Variants in CNTNAP2 observed in about 807,000 individuals in gnomAD.
CNTNAP2 encodes the protein contactin associated protein 2.
A neutral mutation model predicts 155.2 loss-of-function variants in CNTNAP2; 98 were observed. That is an observed-to-expected ratio of 0.63 (90% CI 0.54 to 0.75). The LOEUF (loss-of-function observed/expected upper bound fraction) is 0.75. Ranked by LOEUF, CNTNAP2 falls within the 30% of genes least tolerant of loss-of-function variation. CNTNAP2 has a pLI of 0.00. For missense variants in CNTNAP2, 1,727 were observed against 1,688.1 expected, an observed-to-expected ratio of 1.02 and a Z score of -0.40; for synonymous variants, 651 against 631.2, an observed-to-expected ratio of 1.03 and a Z score of -0.47.
At chr7:146,216,658 A>T (rs1799118804) in intron 1 of CNTNAP2, among the ~76,000 whole-genome samples, 1 of 152,196 alleles carries the variant, frequency 6.6e-6, no homozygotes, top group Non-Finnish European at 1.5e-5. Flanking sequence ...ATGCTTATTG[A>T]TTCTCTAGAA....
chr7:146,431,301 T>C (rs1232025474), intron 1 of CNTNAP2, among the ~76,000 whole-genome samples: 1 of 152,056 alleles, frequency 6.6e-6, no homozygotes, highest in African/African-American at 2.4e-5. Context: ...ATGCATTCTC[T>C]TCTTAAATGT....
At chr7:147,111,319 T>TCTGTTCA (rs1378136668) in intron 5 of CNTNAP2, among the ~76,000 whole-genome samples, 1 of 152,198 alleles carries the variant, frequency 6.6e-6, no homozygotes, top group Admixed American at 6.5e-5. Context: ...CTGTAGGTTG[T>TCTGTTCA]CTGTTCACTC....
chr7:148,134,487 C>T (rs569833347), intron 16 of CNTNAP2, among the ~76,000 whole-genome samples: 1 of 152,134 alleles, frequency 6.6e-6, no homozygotes, highest in South Asian at 2.1e-4. Context: ...GAAAAAAGAA[C>T]TTATATCTTG....
At chr7:148,089,077 A>G (rs1803790989) in intron 15 of CNTNAP2, among the ~76,000 whole-genome samples, 1 of 152,078 alleles carries the variant, frequency 6.6e-6, no homozygotes, top group Non-Finnish European at 1.5e-5. Flanking sequence ...CAATAGATGC[A>G]GAAAAGTCAT....
chr7:146,526,163 G>A (rs944428887), intron 1 of CNTNAP2, among the ~76,000 whole-genome samples: 6 of 152,096 alleles, frequency 3.9e-5, no homozygotes, highest in African/African-American at 1.4e-4. Context: ...GAAAACTATC[G>A]CTAAAATTTG....
At chr7:148,225,742 G>A (rs1363850246) in intron 19 of CNTNAP2, among the ~76,000 whole-genome samples, 1 of 152,164 alleles carries the variant, frequency 6.6e-6, no homozygotes, top group Non-Finnish European at 1.5e-5. Flanking sequence ...GGGTAGAGAT[G>A]GAGATGGCGA....
chr7:147,281,708 A>G (rs926765595), intron 8 of CNTNAP2, among the ~76,000 whole-genome samples: 5 of 151,900 alleles, frequency 3.3e-5, no homozygotes, highest in Admixed American at 2.0e-4. Context: ...ATACATTCAT[A>G]TTCATAGAAT....
chr7:146,497,915 A>G (rs1406404019), intron 1 of CNTNAP2, among the ~76,000 whole-genome samples: 1 of 118,276 alleles, frequency 8.5e-6, no homozygotes, highest in Admixed American at 7.6e-5. Context: ...ACATATATAA[A>G]CATATATTCT....
intron 1 of CNTNAP2, among the ~76,000 whole-genome samples, chr7:146,769,686 G>C (rs1190984658): frequency 6.6e-6 from 1 of 151,984 alleles, no homozygotes; most frequent in Non-Finnish European, 1.5e-5. Context: ...TGATTCCTAA[G>C]TTCCTTCATA....
At chr7:147,307,316 G>A (rs1213407088) in intron 9 of CNTNAP2, among the ~76,000 whole-genome samples, 1 of 152,218 alleles carries the variant, frequency 6.6e-6, no homozygotes, top group Non-Finnish European at 1.5e-5. Flanking sequence ...CAGGCATGGT[G>A]GCTCAAGCCT....
At chr7:147,362,964 T>C (rs1005933835) in intron 9 of CNTNAP2, among the ~76,000 whole-genome samples, 12 of 152,324 alleles carry the variant, frequency 7.9e-5, no homozygotes, top group African/African-American at 2.9e-4. Context: ...ATATGCTTTA[T>C]CAAAGAGTCT....
intron 11 of CNTNAP2, among the ~76,000 whole-genome samples, chr7:147,554,895 A>C (rs1402023751): frequency 6.6e-6 from 1 of 152,190 alleles, no homozygotes; most frequent in African/African-American, 2.4e-5. Flanking sequence ...TTAATATTCA[A>C]GTGTTAATGA....
At chr7:147,013,730 G>A (rs1798668242) in intron 3 of CNTNAP2, among the ~76,000 whole-genome samples, 1 of 152,088 alleles carries the variant, frequency 6.6e-6, no homozygotes, top group South Asian at 2.1e-4. Context: ...ATATAAGGAA[G>A]TATTTTCTTA....
chr7:146,148,781 T>C (rs1307444870), intron 1 of CNTNAP2, among the ~76,000 whole-genome samples: 6 of 152,094 alleles, frequency 3.9e-5, no homozygotes. Context: ...TACATTAAAA[T>C]CATTGATAAC....
rs763335653 is a variant in CNTNAP2 at position 147,375,957 on chromosome 7, C to T, written c.1499-19652C>T. ...GATACCCTGGAAGAATTGATGAAGG[C>T]TTCTATCATCTCCCCTAGAAATGTG... On this transcript the variant is annotated intron_variant, in intron 9 of 23. Coordinates refer to ENST00000361727, the MANE Select transcript of CNTNAP2 (RefSeq NM_014141.6). 2.0e-5 allele frequency among the ~76,000 whole-genome samples: 3 copies of T among 152,118 alleles called. No homozygotes were observed. The East Asian group carries it at 5.8e-4, about 29-fold the overall frequency.
At chr7:147,485,484 T>C (rs141777938) in intron 10 of CNTNAP2, among the ~76,000 whole-genome samples, 4 of 152,180 alleles carry the variant, frequency 2.6e-5, no homozygotes, top group African/African-American at 7.2e-5. Context: ...GCTGTTATCA[T>C]GACGTTATTT....
In CNTNAP2 at chr7:147,121,179, T is replaced by C. The variant is rs767517345; in HGVS notation, c.939+16T>C. The C allele has an allele frequency of 1.3e-5, 21 of 1,612,356 alleles. No individual in the cohort carries two copies. In the Admixed American group the frequency reaches 2.7e-4, roughly 20 times the overall value. On this transcript the variant is annotated intron_variant, in intron 6 of 23. Transcript: ENST00000361727. ...GGACTATGAGGTACATGTGATGACGTAGAAATTGTAATAAAATGTCAAGCA... is the reference window on the plus strand; with the variant it reads ...GGACTATGAGGTACATGTGATGACGCAGAAATTGTAATAAAATGTCAAGCA...
chr7:147,194,984 A>G (rs1020122725), intron 8 of CNTNAP2, among the ~76,000 whole-genome samples: 2 of 152,138 alleles, frequency 1.3e-5, no homozygotes, highest in Non-Finnish European at 2.9e-5. Context: ...TTTTGTCATG[A>G]AGTCTTTGCC....
intron 1 of CNTNAP2, among the ~76,000 whole-genome samples, chr7:146,147,892 G>A (rs564401080): frequency 3.3e-5 from 5 of 152,016 alleles, no homozygotes; most frequent in East Asian, 3.9e-4. Flanking sequence ...GCCATTTTAC[G>A]GAAAAATTTT....
Sources: allele counts gnomAD v4.1 joint callset (sites outside exome capture counted in the v4.1 genomes callset), GRCh38; gene constraint gnomAD v4.1.1; transcripts MANE v1.5; gene names NCBI Gene and HGNC (gene_info 2026-07-23, HGNC 2026-07-21).